GIGYF2: variants seen among roughly 807,000 people sequenced by gnomAD.
GIGYF2 encodes GRB10 interacting GYF protein 2.
In GIGYF2, 25 loss-of-function variants were observed where a neutral mutation model predicts 208.1. That is an observed-to-expected ratio of 0.12 (90% CI 0.09 to 0.17). The LOEUF (loss-of-function observed/expected upper bound fraction) is 0.17, where lower values mean the gene tolerates loss of function less well. Ranked by LOEUF, GIGYF2 falls within the 10% of genes least tolerant of loss-of-function variation. The pLI is 1.00. For missense variants in GIGYF2, 1,302 were observed against 1,579.4 expected (o/e 0.82, Z 2.98); for synonymous variants, 534 against 543.8 (o/e 0.98, Z 0.25).
At chr2:232,730,962 A>G (rs1192865093) in intron 2 of GIGYF2, among the ~76,000 whole-genome samples, 1 of 151,634 alleles carries the variant, frequency 6.6e-6, no homozygotes, top group South Asian at 2.1e-4. Flanking sequence ...TACAGAAACC[A>G]TGTTGTAAAT....
At chr2:232,790,176 C>T (rs770877391) in intron 9 of GIGYF2, among the ~76,000 whole-genome samples, 1 of 152,096 alleles carries the variant, frequency 6.6e-6, no homozygotes, top group Admixed American at 6.6e-5. Context: ...ATCAGAATTA[C>T]AAGTGGGAAC....
intron 2 of GIGYF2, among the ~76,000 whole-genome samples, chr2:232,715,820 CTT>C (rs75526495): frequency 1.4e-4 from 20 of 143,956 alleles, no homozygotes; most frequent in African/African-American, 1.0e-4. Context: ...GAAGAATTTC[CTT>C]TTTTTTTTTT....
chr2:232,710,040 A>G (rs1230194481), intron 2 of GIGYF2, among the ~76,000 whole-genome samples: 2 of 151,766 alleles, frequency 1.3e-5, no homozygotes, highest in African/African-American at 2.4e-5. Flanking sequence ...GCTCCATGCA[A>G]GCTCTGCCTC....
chr2:232,759,004 C>T (rs1366321282), intron 6 of GIGYF2, among the ~76,000 whole-genome samples: 2 of 152,140 alleles, frequency 1.3e-5, no homozygotes, highest in South Asian at 4.1e-4. Flanking sequence ...TATAGTTCCA[C>T]CGTGCTTCTC....
At chr2:232,710,214 C>CTCCCAAAG (rs1696325337) in intron 2 of GIGYF2, among the ~76,000 whole-genome samples, 1 of 151,738 alleles carries the variant, frequency 6.6e-6, no homozygotes, top group African/African-American at 2.4e-5. Context: ...CTGTCTCGGC[C>CTCCCAAAG]TCCCAAAGTG....
rs561797039 is a variant in GIGYF2 at position 232,712,056 on chromosome 2, C to T, written c.-44+8567C>T. Among the ~76,000 whole-genome samples, 7 of 152,150 alleles carry T rather than the reference C, an allele frequency of 4.6e-5. No homozygotes were observed. In the South Asian group the frequency reaches 1.5e-3, roughly 32 times the overall value. ...AAGCCTTTAAATATTGGAAAACTTTCTAACTCATGGTGACGAATAGAAACT... is the reference window on the plus strand; with the variant it reads ...AAGCCTTTAAATATTGGAAAACTTTTTAACTCATGGTGACGAATAGAAACT... On this transcript the variant is annotated intron_variant, in intron 2 of 28. Coordinates refer to ENST00000373563, the MANE Select transcript of GIGYF2 (RefSeq NM_001103146.3).
intron 2 of GIGYF2, among the ~76,000 whole-genome samples, chr2:232,709,794 G>A (rs2106253596): frequency 6.6e-6 from 1 of 151,986 alleles, no homozygotes; most frequent in East Asian, 2.0e-4. Flanking sequence ...GGGCAACAGA[G>A]CAAGACTCTG....
intron 8 of GIGYF2, among the ~76,000 whole-genome samples, chr2:232,781,256 A>T (rs1222081426): frequency 1.3e-5 from 2 of 148,286 alleles, no homozygotes; most frequent in African/African-American, 2.5e-5. Flanking sequence ...AACATGCCTG[A>T]CCTGTTATTT....
At chr2:232,850,621 A>G (rs1364256143) in intron 28 of GIGYF2, among the ~76,000 whole-genome samples, 1 of 152,216 alleles carries the variant, frequency 6.6e-6, no homozygotes, top group Non-Finnish European at 1.5e-5. Context: ...CTTATATTGT[A>G]TGGTGCTTTA....
chr2:232,773,345 C>T (rs1185015025), intron 8 of GIGYF2, among the ~76,000 whole-genome samples: 1 of 152,124 alleles, frequency 6.6e-6, no homozygotes, highest in Non-Finnish European at 1.5e-5. Flanking sequence ...ACAAGATAGC[C>T]ATTGTTCCCA....
At position 232,794,931 on chromosome 2, in the gene GIGYF2, A is replaced by G. The variant is rs201757505; in HGVS notation, c.1466A>G (p.Lys489Arg). Residue 489 changes from lysine (K) to arginine (R), a missense_variant, in exon 13 of 29, where the codon AAA (lysine) becomes AGA (arginine). Coordinates refer to ENST00000373563, the MANE Select transcript of GIGYF2 (RefSeq NM_001103146.3). Reference sequence around the variant, plus strand: ...GAACCTGATGATGAAGAAGGTCTCAAACATTTGGAGCAGGTAAAAATCCTG... The same window carrying G: ...GAACCTGATGATGAAGAAGGTCTCAGACATTTGGAGCAGGTAAAAATCCTG... ...STEPDDEEGL[K>R]HLEQQAEKMV... is the part of the protein sequence containing the mutation. 3.1e-5 allele frequency: 50 copies of G among 1,612,862 alleles called. No homozygotes were observed. The highest frequency in any genetic ancestry group is 4.0e-5 in the Non-Finnish European group (47 of 1,179,002).
chr2:232,845,960 C>A, intron 26 of GIGYF2, 74 bp downstream of exon 26: 2 of 977,948 alleles, frequency 2.0e-6, no homozygotes, highest in Non-Finnish European at 3.2e-6. Context: ...CAAATTTGAA[C>A]AGTGGGCCAA....
chr2:232,704,014 T>C (rs568972702), intron 2 of GIGYF2, among the ~76,000 whole-genome samples: 2 of 152,340 alleles, frequency 1.3e-5, no homozygotes, highest in East Asian at 1.9e-4. Flanking sequence ...CAGTAGCCAA[T>C]TGATGCTAGC....
chr2:232,800,161 T>C (rs558328340), intron 14 of GIGYF2, among the ~76,000 whole-genome samples: 1 of 152,286 alleles, frequency 6.6e-6, no homozygotes, highest in East Asian at 1.9e-4. Flanking sequence ...TTTTGCTTTG[T>C]TGCCTATGCC....
intron 21 of GIGYF2, among the ~76,000 whole-genome samples, chr2:232,822,206 A>G (rs1251288904): frequency 1.3e-5 from 2 of 152,202 alleles, no homozygotes; most frequent in Non-Finnish European, 2.9e-5. Flanking sequence ...ATCTAAATTG[A>G]AGAGAATTCA....
At position 232,816,972 on chromosome 2, in the gene GIGYF2, G is replaced by A. The variant is rs764499043; in HGVS notation, c.2310G>A (p.Arg770=). The change falls in exon 20 of 29, where the codon CGG becomes CGA. Residue 770 remains arginine, a synonymous_variant. Coordinates refer to ENST00000373563, the MANE Select transcript of GIGYF2 (RefSeq NM_001103146.3). The stretch of plus-strand genomic sequence containing the variant: ...GAAGACAACAGGAGGAAATTCTTCG[G>A]CGACAGCAGGAAGAAGAAAGGAAAA... The part of the protein sequence containing the change: ...ELRRQQEEIL[R]RQQEEERKRR... The A allele has an allele frequency of 3.7e-5, 59 of 1,612,844 alleles. No individual in the cohort carries two copies. In the South Asian group the frequency reaches 6.4e-4, roughly 17 times the overall value.
At chr2:232,704,189 G>T (rs1418390177) in intron 2 of GIGYF2, among the ~76,000 whole-genome samples, 1 of 152,190 alleles carries the variant, frequency 6.6e-6, no homozygotes, top group African/African-American at 2.4e-5. Flanking sequence ...GCAGGTCTCA[G>T]AGAAGGTAGA....
chr2:232,844,913 A>G (rs562072004), intron 25 of GIGYF2, among the ~76,000 whole-genome samples: 7 of 152,284 alleles, frequency 4.6e-5, no homozygotes, highest in African/African-American at 1.7e-4. Context: ...CTATATTTGT[A>G]TTTTTAAGTA....
chr2:232,812,678 T>A lies in GIGYF2; in HGVS notation c.2107+187T>A, dbSNP rs1373366836. ...GTTACTGAAAATATACTTTTAAGGA[T>A]TTGTTTGAATTTATTTAGTGGATTT... On this transcript the variant is annotated intron_variant, in intron 18 of 28. Transcript: ENST00000373563. 3.3e-5 allele frequency among the ~76,000 whole-genome samples: 5 copies of A among 152,218 alleles called. No individual in the cohort carries two copies. In the East Asian group the frequency reaches 9.6e-4, roughly 29 times the overall value.
Sources: gnomAD v4.1 joint callset for allele counts (sites outside exome capture counted in the v4.1 genomes callset) on GRCh38, gnomAD v4.1.1 for gene constraint, MANE v1.5 for transcripts, NCBI Gene and HGNC (gene_info 2026-07-23, HGNC 2026-07-21) for gene names.